DPP10: variants seen among roughly 807,000 people sequenced by gnomAD.
DPP10 encodes dipeptidyl peptidase like 10.
A neutral mutation model predicts 120.9 loss-of-function variants in DPP10; 33 were observed. That is an observed-to-expected ratio of 0.27 (90% CI 0.21 to 0.37). DPP10 has a LOEUF of 0.37. Among genes scored for constraint, DPP10 ranks in the 10% least tolerant of loss-of-function variants. The pLI is 1.00. For missense variants in DPP10, 816 were observed against 942.8 expected (o/e 0.87, Z 1.76); for synonymous variants, 337 against 326.1 (o/e 1.03, Z -0.36).
At chr2:115,805,080 C>T (rs1575831740) in intron 19 of DPP10, among the ~76,000 whole-genome samples, 1 of 152,184 alleles carries the variant, frequency 6.6e-6, no homozygotes, top group African/African-American at 2.4e-5. Context: ...GGGCTCCACC[C>T]AGTTGGAGCT....
chr2:115,202,730 G>A (rs1199007086), intron 1 of DPP10, among the ~76,000 whole-genome samples: 1 of 152,168 alleles, frequency 6.6e-6, no homozygotes, highest in South Asian at 2.1e-4. Context: ...ATATGGACAT[G>A]TGGCTAATGA....
chr2:115,523,408 A>AC (rs1397612282), intron 4 of DPP10, among the ~76,000 whole-genome samples: 1 of 150,780 alleles, frequency 6.6e-6, no homozygotes, highest in African/African-American at 2.4e-5. Flanking sequence ...AAAAAAAAAA[A>AC]AAAAAAAAAA....
chr2:115,415,853 A>T (rs1277872297), intron 3 of DPP10, among the ~76,000 whole-genome samples: 22 of 132,412 alleles, frequency 1.7e-4, no homozygotes, highest in African/African-American at 5.9e-4. Context: ...ATATATATAT[A>T]TATATATATA....
chr2:115,523,468 C>T lies in DPP10; in HGVS notation c.367-2430C>T, dbSNP rs189215004. Among the ~76,000 whole-genome samples, 190 of 150,600 alleles carry T rather than the reference C, an allele frequency of 1.3e-3. 2 individuals carry two copies. The highest frequency in any genetic ancestry group is 4.5e-3 in the African/African-American group (184 of 41,008). Reference sequence around the variant, plus strand: ...TGTAAGGCTTATGAAAAGAGGCCCTCCTGGATTGTCTTGTTACGTATGCTT... The same window carrying T: ...TGTAAGGCTTATGAAAAGAGGCCCTTCTGGATTGTCTTGTTACGTATGCTT... On this transcript the variant is annotated intron_variant, in intron 4 of 25. Transcript: ENST00000410059.
At chr2:114,589,137 T>C (rs1276877920) in intron 1 of DPP10, among the ~76,000 whole-genome samples, 3 of 152,092 alleles carry the variant, frequency 2.0e-5, no homozygotes, top group Non-Finnish European at 2.9e-5. Flanking sequence ...TTTGTGAGTG[T>C]TGAAGGCAGG....
At chr2:114,633,157 T>A (rs1159101569) in intron 1 of DPP10, among the ~76,000 whole-genome samples, 1 of 150,814 alleles carries the variant, frequency 6.6e-6, no homozygotes, top group Non-Finnish European at 1.5e-5. Context: ...AAAATGGAAA[T>A]CAATTACTTT....
At chr2:115,124,513 G>A (rs1054849613) in intron 1 of DPP10, among the ~76,000 whole-genome samples, 1 of 152,068 alleles carries the variant, frequency 6.6e-6, no homozygotes, top group Admixed American at 6.6e-5. Flanking sequence ...TAGAATCCCA[G>A]TTATCTTCCC....
chr2:115,061,615 T>G (rs1706408190), intron 1 of DPP10, among the ~76,000 whole-genome samples: 1 of 152,200 alleles, frequency 6.6e-6, no homozygotes, highest in Admixed American at 6.5e-5. Context: ...GGAAACATAA[T>G]ATCAATAATG....
chr2:115,509,124 C>T (rs1050113975), intron 4 of DPP10, among the ~76,000 whole-genome samples: 3 of 151,964 alleles, frequency 2.0e-5, no homozygotes, highest in African/African-American at 7.3e-5. Context: ...ATCAGATTTG[C>T]TTTTGGAAAC....
chr2:115,219,295 A>G (rs924556862), intron 1 of DPP10, among the ~76,000 whole-genome samples: 57 of 152,240 alleles, frequency 3.7e-4, no homozygotes, highest in Admixed American at 1.1e-3. Flanking sequence ...ATTATATTGC[A>G]TTTATTTCCC....
chr2:115,834,319 G>C (rs1189574943), intron 21 of DPP10, among the ~76,000 whole-genome samples: 1 of 152,070 alleles, frequency 6.6e-6, no homozygotes, highest in Admixed American at 6.6e-5. Context: ...CCACACTTGA[G>C]TCATCTGAAA....
At chr2:114,841,100 C>T (rs1022880154) in intron 1 of DPP10, among the ~76,000 whole-genome samples, 7 of 152,110 alleles carry the variant, frequency 4.6e-5, no homozygotes, top group Admixed American at 3.3e-4. Flanking sequence ...TTTTAAACCA[C>T]ATTGAATTTA....
intron 1 of DPP10, among the ~76,000 whole-genome samples, chr2:114,933,223 A>C (rs2104513316): frequency 6.6e-6 from 1 of 152,378 alleles, no homozygotes; most frequent in African/African-American, 2.4e-5. Context: ...ATAACTAGTT[A>C]GAATTATGAT....
intron 3 of DPP10, chr2:115,468,271 T>A (rs1558706906): frequency 3.9e-6 from 2 of 510,570 alleles, no homozygotes; most frequent in Non-Finnish European, 7.8e-6. Context: ...AAAACTGATG[T>A]CAGTGTCATG....
intron 7 of DPP10, among the ~76,000 whole-genome samples, chr2:115,717,545 A>G (rs1010464061): frequency 2.6e-5 from 4 of 152,146 alleles, no homozygotes; most frequent in Non-Finnish European, 5.9e-5. Flanking sequence ...AATTTTAACC[A>G]CTTCTTAGGT....
rs1348001277 is a variant in DPP10, at chr2:115,244,239, T to TATATAG, written c.61-64999_61-64998insTATAGA. On this transcript the variant is annotated intron_variant, in intron 1 of 25. Transcript: ENST00000410059. ...GTGTATATATATATATATATATATA[T>TATATAG]AGAGAGAGAGAGAGAGAGAGAGAGA... 9.5e-4 allele frequency among the ~76,000 whole-genome samples: 89 copies of TATATAG among 93,472 alleles called. 1 individual carries two copies. The highest frequency in any genetic ancestry group is 8.2e-3 in the Admixed American group (67 of 8,158). The allele number at this position is 93,472 out of a possible 152,430, so 61.3% of individuals were successfully genotyped here. A position where few individuals can be genotyped will look rare whatever the true frequency, so the allele number is the denominator to read the frequency against.
chr2:115,141,836 C>G (rs1202806761), intron 1 of DPP10, among the ~76,000 whole-genome samples: 1 of 152,016 alleles, frequency 6.6e-6, no homozygotes, highest in Non-Finnish European at 1.5e-5. Context: ...TGCAGTGGCT[C>G]AACGTCAGCT....
intron 1 of DPP10, among the ~76,000 whole-genome samples, chr2:114,569,405 C>T (rs1409546592): frequency 6.6e-6 from 1 of 152,162 alleles, no homozygotes; most frequent in East Asian, 1.9e-4. Flanking sequence ...TCCACAGCCT[C>T]AGCATTTTCA....
intron 5 of DPP10, among the ~76,000 whole-genome samples, chr2:115,600,123 C>T (rs1575296998): frequency 6.6e-6 from 1 of 152,206 alleles, no homozygotes; most frequent in East Asian, 1.9e-4. Context: ...ACTGCAGCAG[C>T]AGCTATCTTA....
Sources: allele counts gnomAD v4.1 joint callset (sites outside exome capture counted in the v4.1 genomes callset), GRCh38; gene constraint gnomAD v4.1.1; transcripts MANE v1.5; gene names NCBI Gene and HGNC (gene_info 2026-07-23, HGNC 2026-07-21).